The following NAV2 variants were observed in gnomAD, a reference collection of about 807,000 sequenced individuals.
The protein encoded by NAV2 is helicase, APC down-regulated 1.
A neutral mutation model predicts 223.2 loss-of-function variants in NAV2; 54 were observed. The ratio of observed to expected loss-of-function variants is 0.24; its 90% CI spans 0.19 to 0.30. NAV2 has a LOEUF of 0.30. Ranked by LOEUF, NAV2 falls within the 10% of genes least tolerant of loss-of-function variation. NAV2 has a pLI of 1.00. For missense variants in NAV2, 2,806 were observed against 3,147.5 expected (o/e 0.89, Z 2.60); for synonymous variants, 1,279 against 1,239.3 (o/e 1.03, Z -0.67).
At chr11:19,993,305 C>T (rs772114719) in intron 11 of NAV2, among the ~76,000 whole-genome samples, 8 of 152,142 alleles carry the variant, frequency 5.3e-5, no homozygotes, top group African/African-American at 7.2e-5. Flanking sequence ...AGAGGAACTA[C>T]CATTTAGAGC....
At chr11:19,529,697 G>A (rs1466259870) in intron 1 of NAV2, among the ~76,000 whole-genome samples, 1 of 152,278 alleles carries the variant, frequency 6.6e-6, no homozygotes, top group East Asian at 1.9e-4. Flanking sequence ...TGGCTGATGT[G>A]GGGTGGAAGT....
Position 19,869,765 on chromosome 11 carries a change from C to T in NAV2, c.511+768C>T, listed in dbSNP as rs566592165. On this transcript the variant is annotated intron_variant, in intron 4 of 37. Transcript: ENST00000349880. ...CAGTTTGGGCTTCAGATGATAGCACCTTTCCCTAGTGAGACTGCTTTTTGA... is the reference window on the plus strand; with the variant it reads ...CAGTTTGGGCTTCAGATGATAGCACTTTTCCCTAGTGAGACTGCTTTTTGA... Among the ~76,000 whole-genome samples the T allele has an allele frequency of 2.1e-4, 32 of 152,322 alleles. No homozygotes were observed. The South Asian group carries it at 6.6e-3, about 32-fold the overall frequency.
intron 1 of NAV2, among the ~76,000 whole-genome samples, chr11:19,418,979 G>A (rs754236070): frequency 6.6e-6 from 1 of 152,124 alleles, no homozygotes; most frequent in African/African-American, 2.4e-5. Flanking sequence ...TGGGAGGTAA[G>A]GGAGGAGGCA....
intron 1 of NAV2, among the ~76,000 whole-genome samples, chr11:19,699,037 C>T (rs1013441342): frequency 5.3e-5 from 8 of 152,170 alleles, no homozygotes; most frequent in East Asian, 1.9e-4. Flanking sequence ...TAGAGAAAGG[C>T]GTGAAGAAGG....
At chr11:19,884,152 C>T in intron 5 of NAV2, 2 of 591,872 alleles carry the variant, frequency 3.4e-6, no homozygotes, top group Non-Finnish European at 6.0e-6. Flanking sequence ...AGAAAGAAAG[C>T]TGTGTGTCAT....
rs115519791 is a variant in NAV2, at chr11:19,588,123, G to A, written c.75+237096G>A. Among the ~76,000 whole-genome samples, 875 of 152,254 alleles carry A rather than the reference G, an allele frequency of 5.7e-3. 7 individuals carry two copies. Among genetic ancestry groups the A allele is most frequent in the African/African-American group, 0.02 (829 of 41,540 alleles). ...TCTATTCCTTTCTTCCCTGACTTGG[G>A]TCACCTGACAGAAAAGCCAAATTCC... is the stretch of plus-strand genomic sequence containing the variant. On this transcript the variant is annotated intron_variant, in intron 1 of 37. Coordinates refer to the NAV2 transcript ENST00000360655.
chr11:19,519,210 T>C (rs1380937622), intron 1 of NAV2, among the ~76,000 whole-genome samples: 1 of 152,200 alleles, frequency 6.6e-6, no homozygotes, highest in African/African-American at 2.4e-5. Context: ...AAAATCTTTG[T>C]GGAACACCTG....
At chr11:19,801,379 C>A (rs892916487) in intron 1 of NAV2, among the ~76,000 whole-genome samples, 1 of 152,248 alleles carries the variant, frequency 6.6e-6, no homozygotes, top group Non-Finnish European at 1.5e-5. Flanking sequence ...TGCTGTCCTC[C>A]TTGGGCACCT....
chr11:19,508,449 A>G (rs904835405), intron 1 of NAV2, among the ~76,000 whole-genome samples: 2 of 152,154 alleles, frequency 1.3e-5, no homozygotes, highest in East Asian at 1.9e-4. Context: ...TAAGTGTGGC[A>G]GGTACCTTCT....
chr11:19,692,536 C>T (rs774413424), intron 1 of NAV2, among the ~76,000 whole-genome samples: 1 of 152,170 alleles, frequency 6.6e-6, no homozygotes, highest in Non-Finnish European at 1.5e-5. Flanking sequence ...AAAATCATTC[C>T]TTGTTTGAGT....
Position 19,998,817 on chromosome 11 carries a change from T to G in NAV2, c.2768+14570T>G, listed in dbSNP as rs1320766389. ...TACTGACCACTCAATCTAAAGAAAG[T>G]TTCAGCTGTTGGTTTCTTTTTGGAA... On this transcript the variant is annotated intron_variant, in intron 11 of 37. Coordinates refer to ENST00000349880, the MANE Select transcript of NAV2 (RefSeq NM_145117.5). The surrounding 1 kb of genome is among the most constrained non-coding windows in gnomAD (Gnocchi z 5.0). Among the ~76,000 whole-genome samples, 1 of 152,180 alleles carries G rather than the reference T, an allele frequency of 6.6e-6. No individual in the cohort carries two copies. Among genetic ancestry groups the G allele is most frequent in the Non-Finnish European group, 1.5e-5 (1 of 68,034 alleles).
intron 29 of NAV2, among the ~76,000 whole-genome samples, chr11:20,094,463 T>C (rs916560458): frequency 6.6e-6 from 1 of 151,974 alleles, no homozygotes; most frequent in African/African-American, 2.4e-5. Flanking sequence ...CTCCCGACCT[T>C]GTGATCCACC....
chr11:19,956,398 T>A (rs201899105), intron 10 of NAV2, among the ~76,000 whole-genome samples: 4 of 141,208 alleles, frequency 2.8e-5, no homozygotes, highest in African/African-American at 2.5e-5. Flanking sequence ...ACACACACGC[T>A]CTCTCTCTCT....
chr11:20,095,570 C>T (rs1378438715), intron 29 of NAV2, 102 bp from the exon 30 acceptor site: 3 of 784,310 alleles, frequency 3.8e-6, no homozygotes, highest in African/African-American at 3.4e-5. Context: ...TTATTCCCCT[C>T]TCAAACCATT....
chr11:19,389,958 GC>G (rs1849185202), intron 1 of NAV2, among the ~76,000 whole-genome samples: 1 of 152,178 alleles, frequency 6.6e-6, no homozygotes, highest in Admixed American at 6.5e-5. Flanking sequence ...TCTATTCATG[GC>G]CCAGGCTGCT....
chr11:19,708,437 A>C (rs1044220948), upstream of NAV2, among the ~76,000 whole-genome samples: 2 of 152,152 alleles, frequency 1.3e-5, no homozygotes, highest in African/African-American at 4.8e-5. Context: ...GGTCTCCAAA[A>C]GGCTGTAGAC....
chr11:19,460,973 T>C (rs1852136898), intron 1 of NAV2, among the ~76,000 whole-genome samples: 1 of 152,132 alleles, frequency 6.6e-6, no homozygotes, highest in South Asian at 2.1e-4. Context: ...GGATTCATAC[T>C]TCCAGGTCCT....
intron 6 of NAV2, among the ~76,000 whole-genome samples, chr11:19,902,409 T>C (rs956247730): frequency 3.9e-5 from 6 of 152,150 alleles, no homozygotes; most frequent in Admixed American, 3.9e-4. Flanking sequence ...TAAATATGGA[T>C]ACATTTCAAA....
chr11:20,079,789 G>T (rs2059974772), intron 24 of NAV2, among the ~76,000 whole-genome samples: 2 of 152,150 alleles, frequency 1.3e-5, no homozygotes, highest in Admixed American at 6.5e-5. Flanking sequence ...CCTATCTAAA[G>T]CTTAAGAGCT....
Sources: gnomAD v4.1 joint callset for allele counts (sites outside exome capture counted in the v4.1 genomes callset) on GRCh38, gnomAD v4.1.1 for gene constraint, Gnocchi (gnomAD v3.1) non-coding constraint, MANE v1.5 for transcripts, NCBI Gene and HGNC (gene_info 2026-07-23, HGNC 2026-07-21) for gene names.